The following CHD2 variants were observed in gnomAD, a reference collection of about 807,000 sequenced individuals.
CHD2 encodes the protein ATP-dependent chromatin remodeler CHD2.
Under a neutral mutation model 243.9 loss-of-function variants are expected in CHD2, and 28 were observed. That is an observed-to-expected ratio of 0.11 (90% confidence interval 0.09 to 0.16). The LOEUF (loss-of-function observed/expected upper bound fraction) is 0.16. Among genes scored for constraint, CHD2 ranks in the 10% least tolerant of loss-of-function variants. The probability of loss-of-function intolerance (pLI) is 1.00; values close to 1 mark genes in which losing one functional copy is unlikely to be tolerated. For missense variants in CHD2, 1,386 were observed against 2,209.8 expected (o/e 0.63, Z 7.47); for synonymous variants, 775 against 779.0 (o/e 0.99, Z 0.09).
At chr15:93,000,704 G>T in intron 32 of CHD2, 64 bp downstream of exon 32, 1 of 1,496,740 alleles carries the variant, frequency 6.7e-7, no homozygotes. Flanking sequence ...CATGCCAGCT[G>T]GAATAAAATC....
At chr15:92,971,967 T>C (rs780905126) in intron 18 of CHD2, 40 bp downstream of exon 18, 3 of 1,577,176 alleles carry the variant, frequency 1.9e-6, no homozygotes, top group East Asian at 4.5e-5. Flanking sequence ...AAAAAAACGC[T>C]TAGTTTCTCT....
intron 36 of CHD2, 59 bp from the exon 37 acceptor site, chr15:93,014,634 ATTC>A (rs1441239370): frequency 6.7e-7 from 1 of 1,482,066 alleles, no homozygotes; most frequent in African/African-American, 1.4e-5. Flanking sequence ...GATAGCCTTT[ATTC>A]TTCTCTGGGG....
At chr15:93,016,158 G>A (rs138718656) in intron 37 of CHD2, among the ~76,000 whole-genome samples, 5 of 152,244 alleles carry the variant, frequency 3.3e-5, no homozygotes, top group Non-Finnish European at 7.4e-5. Context: ...ATACACAATC[G>A]AATAGTATTC....
intron 27 of CHD2, 25 bp downstream of exon 27, chr15:92,991,542 A>T (rs2054119780): frequency 6.4e-7 from 1 of 1,562,570 alleles, no homozygotes; most frequent in Non-Finnish European, 8.7e-7. Context: ...ATAGTCCCTT[A>T]TCTTCCTCTT....
Position 92,950,752 on chromosome 15 carries a change from TA to T in CHD2, c.1502+1690del, listed in dbSNP as rs34816854. Among the ~76,000 whole-genome samples, 481 of 142,302 alleles carry T rather than the reference TA, an allele frequency of 3.4e-3. 1 individual carries two copies. Among genetic ancestry groups the T allele is most frequent in the African/African-American group, 5.9e-3 (227 of 38,600 alleles). The allele number at this position is 142,302 out of a possible 152,430, so 93.4% of individuals were successfully genotyped here. ...TGGGTGACAAAGTGAAACTTCACCT[TA>T]AAAAAAAAAAAAAGGACAGCTTAAA... is the stretch of plus-strand genomic sequence containing the variant. On this transcript the variant is annotated intron_variant, in intron 13 of 38. Transcript: ENST00000394196.
At chr15:93,004,480 A>ATT in intron 33 of CHD2, 137 bp from the exon 34 acceptor site, 1 of 783,108 alleles carries the variant, frequency 1.3e-6, no homozygotes, top group Non-Finnish European at 1.9e-6. Flanking sequence ...ATGTTTCAGG[A>ATT]TTTTATTTTA....
intron 16 of CHD2, among the ~76,000 whole-genome samples, chr15:92,963,417 G>A (rs186169757): frequency 6.6e-6 from 1 of 152,220 alleles, no homozygotes; most frequent in Non-Finnish European, 1.5e-5. Flanking sequence ...GTAAAATAGG[G>A]CAACTTTGCC....
rs187452937 is a variant in CHD2 at position 92,906,648 on chromosome 15, T to A, written c.62+5349T>A. ...GCTCTGTGTCAGCCATTAAATTTTT[T>A]CTTGCTATGAGCCATCTTTTTTTTT... On this transcript the variant is annotated intron_variant, in intron 2 of 38. Transcript: ENST00000394196. Among the ~76,000 whole-genome samples the A allele has an allele frequency of 5.8e-3, 861 of 148,964 alleles. 9 individuals are homozygous for A. The highest frequency in any genetic ancestry group is 7.9e-3 in the Non-Finnish European group (532 of 67,618).
chr15:92,967,513 A>G lies in CHD2; in HGVS notation c.2189A>G (p.Lys730Arg), dbSNP rs767965789. ...EMSALQKQYY[K>R]WILTRNYKAL... ...TCAGCCCTTCAGAAACAGTATTACA[A>G]GTAAGTTCTTGTTTGGGTTAGGCCT... The change falls in exon 17 of 39, where the codon AAG becomes AGG. Residue 730 changes from lysine (K) to arginine (R), a missense_variant and splice_region_variant. This residue lies in a region of CHD2 where 118 missense variants were observed against 266.3 expected (regional missense o/e 0.44). Transcript: ENST00000394196. The G allele has an allele frequency of 1.5e-5, 24 of 1,613,342 alleles. No homozygotes were observed. The highest frequency in any genetic ancestry group is 1.7e-4 in the Middle Eastern group (1 of 6,054).
intron 2 of CHD2, among the ~76,000 whole-genome samples, chr15:92,904,234 C>T (rs186153513): frequency 6.6e-6 from 1 of 152,346 alleles, no homozygotes; most frequent in Admixed American, 6.5e-5. Context: ...GACAGACATA[C>T]TGCATTGCAC....
intron 7 of CHD2, 76 bp downstream of exon 7, chr15:92,939,794 CG>C (rs2053328283): frequency 1.4e-6 from 2 of 1,470,388 alleles, no homozygotes; most frequent in South Asian, 2.5e-5. Context: ...CTCATAAGTC[CG>C]GGGTTGTGCA....
intron 26 of CHD2, 24 bp from the exon 27 acceptor site, chr15:92,991,452 A>C (rs1180573866): frequency 1.3e-6 from 2 of 1,564,314 alleles, no homozygotes; most frequent in African/African-American, 2.7e-5. Context: ...TTTTTTTAAT[A>C]TGTTTTATTG....
At chr15:92,996,547 G>A (rs571969279) in intron 28 of CHD2, among the ~76,000 whole-genome samples, 1 of 152,206 alleles carries the variant, frequency 6.6e-6, no homozygotes, top group African/African-American at 2.4e-5. Context: ...TTCAGTAATA[G>A]TGTTGTGAAG....
chr15:92,935,015 G>GTT (rs112532540), intron 5 of CHD2, among the ~76,000 whole-genome samples: 1 of 146,690 alleles, frequency 6.8e-6, no homozygotes, highest in African/African-American at 2.5e-5. Flanking sequence ...GATTTGCTAA[G>GTT]TTTTTTTTTT....
chr15:93,006,475 T>A (rs1741476655), intron 34 of CHD2, among the ~76,000 whole-genome samples: 1 of 152,212 alleles, frequency 6.6e-6, no homozygotes, highest in Non-Finnish European at 1.5e-5. Flanking sequence ...GAATTCGATG[T>A]TTATACTTAA....
chr15:93,025,276 G>C lies in CHD2; in HGVS notation c.*571G>C, dbSNP rs2054577895. Reference sequence around the variant, plus strand: ...CCCCTCAAATGTGTTCTTGGGAGAAGTGATACACTCGGCCTCATTATGTGA... The same window carrying C: ...CCCCTCAAATGTGTTCTTGGGAGAACTGATACACTCGGCCTCATTATGTGA... On this transcript the variant is annotated 3_prime_UTR_variant, in exon 39 of 39. Coordinates refer to ENST00000394196, the MANE Select transcript of CHD2 (RefSeq NM_001271.4). The C allele has an allele frequency of 6.5e-6, 1 of 153,128 alleles. No homozygotes were observed. The highest frequency in any genetic ancestry group is 2.1e-4 in the South Asian group (1 of 4,866). The allele number at this position is 153,128 out of a possible 1,614,324, so 9.5% of individuals were successfully genotyped here. A position where few individuals can be genotyped will look rare whatever the true frequency, so the allele number is the denominator to read the frequency against.
At chr15:92,981,543 G>T in intron 24 of CHD2, 86 bp downstream of exon 24, 1 of 1,021,490 alleles carries the variant, frequency 9.8e-7, no homozygotes, top group South Asian at 1.5e-5. Flanking sequence ...TGTGCTAGGC[G>T]CTCTGCTTTT....
chr15:92,904,666 A>G (rs1220883532), intron 2 of CHD2: 14 of 1,293,724 alleles, frequency 1.1e-5, no homozygotes, highest in Non-Finnish European at 1.3e-5. Context: ...GCTTTTGGAG[A>G]AAAAGTGCAG....
intron 4 of CHD2, among the ~76,000 whole-genome samples, 181 bp from the exon 5 acceptor site, chr15:92,928,849 T>G (rs758961638): frequency 7.2e-5 from 11 of 152,344 alleles, no homozygotes; most frequent in South Asian, 2.1e-4. Context: ...AGCAGAGAGA[T>G]ATTAATTTTC....
Sources: allele counts gnomAD v4.1 joint callset (sites outside exome capture counted in the v4.1 genomes callset), GRCh38; gene constraint gnomAD v4.1.1; regional missense constraint gnomAD v4.1.1; transcripts MANE v1.5; gene names NCBI Gene and HGNC (gene_info 2026-07-23, HGNC 2026-07-21).